The following BMPR1B variants were observed in gnomAD, a reference collection of about 807,000 sequenced individuals.
The protein encoded by BMPR1B is bone morphogenetic protein receptor type 1B.
In BMPR1B, 12 loss-of-function variants were observed where a neutral mutation model predicts 59.1. That is an observed-to-expected ratio of 0.20 (90% CI 0.13 to 0.33). The LOEUF (loss-of-function observed/expected upper bound fraction) is 0.33. BMPR1B is among the 10% of genes least tolerant of loss of function. The pLI is 1.00. For synonymous variants in BMPR1B, 237 were observed against 207.3 expected (o/e 1.14, Z -1.23); for missense variants, 550 against 610.9 (o/e 0.90, Z 1.05).
intron 10 of BMPR1B, among the ~76,000 whole-genome samples, chr4:95,139,368 C>G (rs957255469): frequency 3.3e-5 from 5 of 152,186 alleles, no homozygotes; most frequent in Admixed American, 6.5e-5. Flanking sequence ...AGTCAGGGAC[C>G]CACTGGAGGA....
chr4:94,815,922 G>A (rs925732199), intron 1 of BMPR1B, among the ~76,000 whole-genome samples: 3 of 152,116 alleles, frequency 2.0e-5, no homozygotes, highest in Non-Finnish European at 4.4e-5. Context: ...TTACTTTTGT[G>A]TGAATTGTCA....
At chr4:94,996,266 T>C (rs1192130249) in intron 3 of BMPR1B, 132 bp downstream of exon 3, 1 of 152,248 alleles carries the variant, frequency 6.6e-6, no homozygotes, top group Non-Finnish European at 1.5e-5. Context: ...GGTAAGAATG[T>C]TGTTGGTGGC....
intron 3 of BMPR1B, among the ~76,000 whole-genome samples, chr4:95,035,244 T>C (rs1411773113): frequency 4.6e-5 from 7 of 152,188 alleles, no homozygotes; most frequent in Non-Finnish European, 1.0e-4. Context: ...TTTACTCTAC[T>C]GATTATTTCT....
chr4:95,137,897 C>T (rs1186219093), intron 10 of BMPR1B, among the ~76,000 whole-genome samples: 1 of 152,110 alleles, frequency 6.6e-6, no homozygotes, highest in East Asian at 1.9e-4. Context: ...GAGCATTCAG[C>T]CCATTTACAT....
rs553547224 is a variant in BMPR1B, at chr4:94,841,072, T to C, written c.-182-34759T>C. ...TAGGGGGTGCCTCCCAGTTAGGCTGTTCGGGTGTCAGGGGTCAGGGACCCA... is the reference window on the plus strand; with the variant it reads ...TAGGGGGTGCCTCCCAGTTAGGCTGCTCGGGTGTCAGGGGTCAGGGACCCA... On this transcript the variant is annotated intron_variant, in intron 1 of 12. Coordinates refer to ENST00000515059, the MANE Select transcript of BMPR1B (RefSeq NM_001203.3). Among the ~76,000 whole-genome samples, 524 of 147,762 alleles carry C rather than the reference T, an allele frequency of 3.5e-3. 13 individuals are homozygous for C. Among genetic ancestry groups the C allele is most frequent in the Non-Finnish European group, 3.9e-3 (257 of 66,212 alleles).
At chr4:94,999,071 T>C (rs1722266055) in intron 3 of BMPR1B, among the ~76,000 whole-genome samples, 1 of 152,188 alleles carries the variant, frequency 6.6e-6, no homozygotes, top group Admixed American at 6.5e-5. Context: ...TCAGACTCTG[T>C]GACTTGGCCT....
At chr4:94,818,395 G>A (rs1724086736) in intron 1 of BMPR1B, among the ~76,000 whole-genome samples, 2 of 152,130 alleles carry the variant, frequency 1.3e-5, no homozygotes, top group Non-Finnish European at 1.5e-5. Flanking sequence ...GGAAGCTGAG[G>A]TACAAAGAGG....
At chr4:94,978,390 G>T (rs777514463) in intron 2 of BMPR1B, among the ~76,000 whole-genome samples, 10 of 152,222 alleles carry the variant, frequency 6.6e-5, no homozygotes, top group Admixed American at 2.6e-4. Context: ...GGCTGAATCA[G>T]CTAGGTGCTG....
chr4:94,997,955 C>T (rs1722173149), intron 3 of BMPR1B, among the ~76,000 whole-genome samples: 1 of 151,644 alleles, frequency 6.6e-6, no homozygotes, highest in Admixed American at 6.6e-5. Flanking sequence ...TTCTGAAGTA[C>T]CTTGTTGAAA....
chr4:94,923,940 C>T (rs1464635654), intron 2 of BMPR1B, among the ~76,000 whole-genome samples: 1 of 152,104 alleles, frequency 6.6e-6, no homozygotes, highest in East Asian at 1.9e-4. Flanking sequence ...CATGCATAAA[C>T]CACTCTTGAT....
chr4:95,153,185 G>T (rs1735179158), intron 12 of BMPR1B, among the ~76,000 whole-genome samples: 3 of 152,146 alleles, frequency 2.0e-5, no homozygotes, highest in Admixed American at 2.0e-4. Flanking sequence ...AGTGATACAG[G>T]TTGACCTAGT....
intron 2 of BMPR1B, among the ~76,000 whole-genome samples, chr4:94,892,307 C>T (rs1421576940): frequency 6.6e-6 from 1 of 152,050 alleles, no homozygotes; most frequent in African/African-American, 2.4e-5. Context: ...CACGTTTCAC[C>T]CCAGACCCAC....
At chr4:94,829,422 CGCCACTAT>C (rs1463612862) in intron 1 of BMPR1B, among the ~76,000 whole-genome samples, 1 of 150,942 alleles carries the variant, frequency 6.6e-6, no homozygotes, top group Non-Finnish European at 1.5e-5. Context: ...TACAGGCACA[CGCCACTAT>C]GCCTGGATGA....
intron 10 of BMPR1B, among the ~76,000 whole-genome samples, chr4:95,133,931 G>C (rs1338795679): frequency 6.6e-6 from 1 of 151,802 alleles, no homozygotes; most frequent in East Asian, 1.9e-4. Context: ...ACAACGTGCA[G>C]GTTTGTTACA....
chr4:95,059,346 A>C (rs1468723975), intron 3 of BMPR1B, among the ~76,000 whole-genome samples: 1 of 152,164 alleles, frequency 6.6e-6, no homozygotes, highest in East Asian at 1.9e-4. Flanking sequence ...TCATAGGATT[A>C]TTACAATTTA....
At chr4:94,896,079 T>C (rs570510951) in intron 2 of BMPR1B, among the ~76,000 whole-genome samples, 13 of 152,164 alleles carry the variant, frequency 8.5e-5, no homozygotes, top group African/African-American at 3.1e-4. Context: ...TATTTTTCGT[T>C]CAATGACGTA....
chr4:94,838,452 A>G lies in BMPR1B; in HGVS notation c.-182-37379A>G, dbSNP rs1224117189. ...CAATTTCAGCTCCTGTTATTGGTCT[A>G]TTCAGAGATTCAACTTCTTCCTGGT... On this transcript the variant is annotated intron_variant, in intron 1 of 12. Transcript: ENST00000515059. 2.2e-3 allele frequency among the ~76,000 whole-genome samples: 279 copies of G among 124,242 alleles called. 9 individuals are homozygous for G. The highest frequency in any genetic ancestry group is 8.2e-3 in the African/African-American group (261 of 31,662). 81.5% of individuals were successfully genotyped at this position (124,242 alleles called of 152,430 possible).
At chr4:94,860,303 A>G (rs973815679) in intron 1 of BMPR1B, among the ~76,000 whole-genome samples, 1 of 152,228 alleles carries the variant, frequency 6.6e-6, no homozygotes, top group Non-Finnish European at 1.5e-5. Context: ...CCGAGTATTT[A>G]GAAGCACTTA....
At chr4:94,783,133 CTGT>C (rs1220327541) in intron 1 of BMPR1B, among the ~76,000 whole-genome samples, 2 of 152,154 alleles carry the variant, frequency 1.3e-5, no homozygotes, top group Non-Finnish European at 2.9e-5. Context: ...CTGCTCACCT[CTGT>C]TGTTATCACG....
Sources: allele counts gnomAD v4.1 joint callset (sites outside exome capture counted in the v4.1 genomes callset), GRCh38; gene constraint gnomAD v4.1.1; transcripts MANE v1.5; gene names NCBI Gene and HGNC (gene_info 2026-07-23, HGNC 2026-07-21).